Variants in CACNA1E observed in about 807,000 individuals in gnomAD.
CACNA1E encodes calcium voltage-gated channel subunit alpha1 E.
Under a neutral mutation model 259.2 loss-of-function variants are expected in CACNA1E, and 40 were observed. The observed-to-expected ratio is 0.15, with a 90% CI of 0.12 to 0.20. The LOEUF (loss-of-function observed/expected upper bound fraction) is 0.20. CACNA1E is among the 10% of genes least tolerant of loss of function. CACNA1E has a pLI of 1.00. For synonymous variants in CACNA1E, 1,104 were observed against 1,138.5 expected (o/e 0.97, Z 0.61); for missense variants, 1,874 against 3,040.1 (o/e 0.62, Z 9.02).
intron 2 of CACNA1E, among the ~76,000 whole-genome samples, chr1:181,425,907 C>T (rs184809503): frequency 4.6e-5 from 7 of 152,246 alleles, no homozygotes; most frequent in African/African-American, 1.7e-4. Flanking sequence ...CTTGCAGACC[C>T]TCTGCAGCTG....
intron 7 of CACNA1E, among the ~76,000 whole-genome samples, chr1:181,662,469 G>C (rs1647784460): frequency 6.6e-6 from 1 of 152,160 alleles, no homozygotes; most frequent in African/African-American, 2.4e-5. Context: ...CTGGGTTTGA[G>C]TTCTGTTCCT....
chr1:181,388,692 C>T (rs1656036379), intron 1 of CACNA1E, among the ~76,000 whole-genome samples: 1 of 152,046 alleles, frequency 6.6e-6, no homozygotes, highest in African/African-American at 2.4e-5. Context: ...AGTTTGAGAC[C>T]AGCCTGACCA....
At chr1:181,411,184 A>G (rs1477650397) in intron 1 of CACNA1E, among the ~76,000 whole-genome samples, 1 of 152,328 alleles carries the variant, frequency 6.6e-6, no homozygotes, top group Non-Finnish European at 1.5e-5. Flanking sequence ...TCAAGCCACA[A>G]GGACTCCCCC....
intron 16 of CACNA1E, among the ~76,000 whole-genome samples, chr1:181,722,312 C>A (rs1236349958): frequency 6.6e-6 from 1 of 152,134 alleles, no homozygotes; most frequent in Non-Finnish European, 1.5e-5. Context: ...CTAATTATAG[C>A]AAATATGTAT....
intron 3 of CACNA1E, among the ~76,000 whole-genome samples, chr1:181,574,011 C>T (rs923926612): frequency 2.6e-5 from 4 of 152,142 alleles, no homozygotes; most frequent in African/African-American, 7.2e-5. Flanking sequence ...TTATCCTCAG[C>T]AAACTAACAC....
chr1:181,755,127 G>A, intron 27 of CACNA1E, 110 bp from the exon 28 acceptor site: 1 of 787,642 alleles, frequency 1.3e-6, no homozygotes, highest in South Asian at 2.2e-5. Context: ...TCTCTCCTGG[G>A]ACAACTTCTT....
chr1:181,803,865 C>T lies in CACNA1E; in HGVS notation c.*5031C>T, dbSNP rs1023570580. ...CCTCTCTAAACAAAACTCAAGATAG[C>T]TGAGAAGTATGAATGGGGTTCACAG... On this transcript the variant is annotated 3_prime_UTR_variant, in exon 48 of 48. Coordinates refer to ENST00000367573, the MANE Select transcript of CACNA1E (RefSeq NM_001205293.3). 6.6e-6 allele frequency: 1 copy of T among 152,202 alleles called. No individual in the cohort carries two copies. Among genetic ancestry groups the T allele is most frequent in the African/African-American group, 2.4e-5 (1 of 41,442 alleles). The allele number at this position is 152,202 out of a possible 1,614,324, so 9.4% of individuals were successfully genotyped here. A position where few individuals can be genotyped will look rare whatever the true frequency, so the allele number is the denominator to read the frequency against.
At chr1:181,490,132 G>A (rs538014342) in intron 1 of CACNA1E, among the ~76,000 whole-genome samples, 200 of 152,238 alleles carry the variant, frequency 1.3e-3, no homozygotes, top group Non-Finnish European at 2.1e-3. Flanking sequence ...TCCTTATAAA[G>A]CTTGACGAGC....
chr1:181,785,678 G>C, intron 42 of CACNA1E, 35 bp from the exon 43 acceptor site: 2 of 1,395,982 alleles, frequency 1.4e-6, no homozygotes, highest in Non-Finnish European at 2.0e-6. Context: ...GTAGTCATTG[G>C]AATTCTTTCC....
intron 7 of CACNA1E, among the ~76,000 whole-genome samples, chr1:181,655,288 G>A (rs1659118525): frequency 6.6e-6 from 1 of 152,126 alleles, no homozygotes; most frequent in South Asian, 2.1e-4. Context: ...CTAATGGAAA[G>A]TGAGAACCCC....
chr1:181,685,371 A>G (rs1057245274), intron 7 of CACNA1E, among the ~76,000 whole-genome samples: 2 of 151,712 alleles, frequency 1.3e-5, no homozygotes, highest in African/African-American at 4.8e-5. Flanking sequence ...AATGCCTTGT[A>G]CAAGTGTTGA....
chr1:181,374,472 AT>A (rs928257545), intron 1 of CACNA1E, among the ~76,000 whole-genome samples: 1 of 150,912 alleles, frequency 6.6e-6, no homozygotes, highest in Non-Finnish European at 1.5e-5. Context: ...GAAAAAAAAA[AT>A]TTTTTTTGAG....
chr1:181,643,577 C>A (rs1657996381), intron 6 of CACNA1E, among the ~76,000 whole-genome samples: 1 of 152,104 alleles, frequency 6.6e-6, no homozygotes, highest in African/African-American at 2.4e-5. Context: ...GCCATGCCAG[C>A]CCTTGCAGCT....
At chr1:181,364,630 G>A (rs1158648956) in intron 1 of CACNA1E, among the ~76,000 whole-genome samples, 1 of 147,416 alleles carries the variant, frequency 6.8e-6, no homozygotes, top group African/African-American at 2.4e-5. Flanking sequence ...ACAAAGGAAG[G>A]TAGAATGATG....
intron 3 of CACNA1E, among the ~76,000 whole-genome samples, chr1:181,524,651 C>T (rs987361157): frequency 1.3e-5 from 2 of 152,188 alleles, no homozygotes; most frequent in Non-Finnish European, 2.9e-5. Flanking sequence ...TCTATGATCT[C>T]GTGGTTTATG....
chr1:181,685,117 T>G (rs1427994372), intron 7 of CACNA1E, among the ~76,000 whole-genome samples: 1 of 151,852 alleles, frequency 6.6e-6, no homozygotes, highest in Non-Finnish European at 1.5e-5. Context: ...ATATACTAAT[T>G]AGGAGAATTT....
intron 6 of CACNA1E, among the ~76,000 whole-genome samples, chr1:181,620,983 G>GA (rs530608668): frequency 1.1e-4 from 17 of 152,092 alleles, no homozygotes; most frequent in African/African-American, 3.6e-4. Context: ...CTCCAGGAGG[G>GA]AAAAAAAGCA....
At chr1:181,504,977 G>A (rs79726931) in intron 1 of CACNA1E, among the ~76,000 whole-genome samples, 1 of 152,136 alleles carries the variant, frequency 6.6e-6, no homozygotes, top group Admixed American at 6.5e-5. Flanking sequence ...ATGAAATGAG[G>A]CCTCTAGTGA....
At chr1:181,701,391 G>A (rs1301235277) in intron 7 of CACNA1E, among the ~76,000 whole-genome samples, 1 of 152,142 alleles carries the variant, frequency 6.6e-6, no homozygotes, top group Non-Finnish European at 1.5e-5. Context: ...TGTAGATGGA[G>A]GAGAAAGAAG....
Sources: allele counts gnomAD v4.1 joint callset (sites outside exome capture counted in the v4.1 genomes callset), GRCh38; gene constraint gnomAD v4.1.1; transcripts MANE v1.5; gene names NCBI Gene and HGNC (gene_info 2026-07-23, HGNC 2026-07-21).